The following XRN2 variants were observed in gnomAD, a reference collection of about 807,000 sequenced individuals.
XRN2 encodes the protein 5'-3' exoribonuclease 2.
A neutral mutation model predicts 138.5 loss-of-function variants in XRN2; 44 were observed. The ratio of observed to expected loss-of-function variants is 0.32; its 90% CI spans 0.25 to 0.41. The LOEUF (loss-of-function observed/expected upper bound fraction) is 0.41. Among genes scored for constraint, XRN2 ranks in the 10% least tolerant of loss-of-function variants. The probability of loss-of-function intolerance (pLI) is 1.00; values close to 1 mark genes in which losing one functional copy is unlikely to be tolerated. For synonymous variants in XRN2, 354 were observed against 369.4 expected (o/e 0.96, Z 0.48); for missense variants, 937 against 1,169.3 (o/e 0.80, Z 2.90).
rs1451099764 is a variant in XRN2, at chr20:21,303,443, G to A, written c.45G>A (p.Pro15=). The part of the protein sequence containing the change: ...AFFRWLSRKY[P]SIIVNCVEEK... ...TCCGCTGGCTCAGCCGCAAGTACCC[G>A]TCCATCATAGTCAACTGCGTGGAAG... Residue 15 remains proline (P), a synonymous_variant, in exon 1 of 30, where the codon CCG becomes CCA. Coordinates refer to ENST00000377191, the MANE Select transcript of XRN2 (RefSeq NM_012255.5). 3.9e-6 allele frequency: 6 copies of A among 1,547,938 alleles called. No individual in the cohort carries two copies. Among genetic ancestry groups the A allele is most frequent in the Admixed American group, 2.0e-5 (1 of 50,784 alleles).
intron 14 of XRN2, 88 bp downstream of exon 14, chr20:21,339,176 G>A: frequency 7.3e-7 from 1 of 1,364,194 alleles, no homozygotes; most frequent in Non-Finnish European, 1.0e-6. Flanking sequence ...TTTATTCCTT[G>A]TCCAGTAGGA....
chr20:21,362,415 CT>C (rs1437605292), intron 24 of XRN2, among the ~76,000 whole-genome samples: 2 of 152,112 alleles, frequency 1.3e-5, no homozygotes, highest in African/African-American at 4.8e-5. Context: ...CTGTGCATGA[CT>C]TGGAGATCTT....
intron 17 of XRN2, among the ~76,000 whole-genome samples, 177 bp downstream of exon 17, chr20:21,346,727 C>T (rs1396673073): frequency 6.6e-6 from 1 of 152,164 alleles, no homozygotes; most frequent in Non-Finnish European, 1.5e-5. Context: ...TCAAGCGATT[C>T]TCCTGCCTCA....
rs2038596111 is a variant in XRN2 at position 21,358,012 on chromosome 20, T to C, written c.2255+220T>C. 3.3e-5 allele frequency among the ~76,000 whole-genome samples: 5 copies of C among 152,364 alleles called. No individual in the cohort carries two copies. The South Asian group carries it at 1.0e-3, about 32-fold the overall frequency. ...ATTTAACATGCTTGCTTATCTGTTT[T>C]CTGGTTTCCCATGACAACCTGTAAT... On this transcript the variant is annotated intron_variant, in intron 24 of 29. Transcript: ENST00000377191.
At chr20:21,337,436 G>A (rs756160315) in intron 13 of XRN2, among the ~76,000 whole-genome samples, 1 of 152,226 alleles carries the variant, frequency 6.6e-6, no homozygotes, top group Non-Finnish European at 1.5e-5. Context: ...ACTGGGAGGT[G>A]CAAAGGTGGG....
In XRN2 at chr20:21,376,459, A is replaced by C. The variant is rs559240473; in HGVS notation, c.2585-5535A>C. Among the ~76,000 whole-genome samples, 5 of 152,312 alleles carry C rather than the reference A, an allele frequency of 3.3e-5. No individual in the cohort carries two copies. The South Asian group carries it at 1.0e-3, about 32-fold the overall frequency. On this transcript the variant is annotated intron_variant, in intron 27 of 29. Transcript: ENST00000377191. ...TGCTTTGGTCATATTTTTACTGACC[A>C]GTTTTTCTTTTGTAAGTTGGCTGTT...
At chr20:21,317,966 G>A (rs767515884) in intron 1 of XRN2, among the ~76,000 whole-genome samples, 27 of 152,118 alleles carry the variant, frequency 1.8e-4, no homozygotes, top group Non-Finnish European at 3.4e-4. Context: ...AAATGTGTTC[G>A]GAATTGTTGG....
chr20:21,303,598 T>C (rs2295412), intron 1 of XRN2, 125 bp downstream of exon 1: 174,212 of 1,381,088 alleles, frequency 0.13, 15,417 homozygotes, highest in East Asian at 0.46. Flanking sequence ...GCTGCCAGCC[T>C]CGCGAGCAGT....
rs944723425 is a variant in XRN2 at position 21,344,275 on chromosome 20, A to G, written c.1529+67A>G. 119 of 1,240,222 alleles carry G rather than the reference A, an allele frequency of 9.6e-5. 1 individual carries two copies. The highest frequency in any genetic ancestry group is 1.3e-4 in the Non-Finnish European group (112 of 846,798). The allele number at this position is 1,240,222 out of a possible 1,614,324, so 76.8% of individuals were successfully genotyped here. On this transcript the variant is annotated intron_variant, in intron 16 of 29. Coordinates refer to ENST00000377191, the MANE Select transcript of XRN2 (RefSeq NM_012255.5). ...AAATAGATGCAGTCTAATTAATGCT[A>G]TTTAGCTTAGAGCAGCAGTGCCTTC...
At chr20:21,361,044 T>C (rs2038631530) in intron 24 of XRN2, among the ~76,000 whole-genome samples, 1 of 152,222 alleles carries the variant, frequency 6.6e-6, no homozygotes, top group Non-Finnish European at 1.5e-5. Flanking sequence ...CTGCTTTCTT[T>C]CTGAATTATG....
chr20:21,359,622 A>C (rs1406766836), intron 24 of XRN2, among the ~76,000 whole-genome samples: 1 of 152,140 alleles, frequency 6.6e-6, no homozygotes, highest in African/African-American at 2.4e-5. Flanking sequence ...AAATTAGGTT[A>C]ATTTGCTGAA....
intron 15 of XRN2, 91 bp downstream of exon 15, chr20:21,340,943 T>G: frequency 1.4e-6 from 2 of 1,461,280 alleles, no homozygotes; most frequent in East Asian, 4.6e-5. Context: ...TATCACAGCC[T>G]GGAGTTTTGT....
chr20:21,356,534 G>A, intron 22 of XRN2, 52 bp from the exon 23 acceptor site: 13 of 1,538,956 alleles, frequency 8.4e-6, no homozygotes, highest in Non-Finnish European at 1.2e-5. Flanking sequence ...ATCTGCTTGA[G>A]TCCCAGTTTT....
rs574867275 is a variant in XRN2 at position 21,386,872 on chromosome 20, G to A, written c.2653G>A (p.Val885Ile). 1.3e-5 allele frequency: 21 copies of A among 1,610,956 alleles called. No homozygotes were observed. Among genetic ancestry groups the A allele is most frequent in the South Asian group, 5.5e-5 (5 of 90,992 alleles). Residue 885 changes from valine (V) to isoleucine (I), a missense_variant, in exon 29 of 30, where the codon GTT becomes ATT. Physicochemically the swap from Val to Ile is conservative, Grantham distance 29 (BLOSUM62 3). This residue lies in a region of XRN2 where 372 missense variants were observed against 414.4 expected (regional missense o/e 0.90). Coordinates refer to ENST00000377191, the MANE Select transcript of XRN2 (RefSeq NM_012255.5). ...LFQQQRFDRGVGAEPLLPWNR... is the reference protein window; with the variant it reads ...LFQQQRFDRGIGAEPLLPWNR... Reference sequence around the variant, plus strand: ...AAAACTGGTACTTTCCTACAGAGGCGTTGGGGCTGAACCTCTGCTCCCATG... The same window carrying A: ...AAAACTGGTACTTTCCTACAGAGGCATTGGGGCTGAACCTCTGCTCCCATG...
In XRN2 at chr20:21,356,134, T is replaced by A; in HGVS notation, c.2075T>A (p.Leu692His). Reference sequence around the variant, plus strand: ...TTATTTGTGGGGAAACATCACCCACTCCATGACTTCATTTTAGAGCTGTAC... The same window carrying A: ...TTATTTGTGGGGAAACATCACCCACACCATGACTTCATTTTAGAGCTGTAC... ...DVLFVGKHHP[L>H]HDFILELYQT... The change falls in exon 22 of 30, where the codon CTC becomes CAC. Residue 692 changes from leucine to histidine, a missense_variant. Transcript: ENST00000377191. 6.2e-7 allele frequency: 1 copy of A among 1,612,956 alleles called. No homozygotes were observed. Among genetic ancestry groups the A allele is most frequent in the Non-Finnish European group, 8.5e-7 (1 of 1,179,290 alleles).
chr20:21,361,010 A>G (rs1339614294), intron 24 of XRN2, among the ~76,000 whole-genome samples: 4 of 152,234 alleles, frequency 2.6e-5, no homozygotes, highest in Non-Finnish European at 5.9e-5. Flanking sequence ...TTGTGTAAAA[A>G]TGAAACTTGA....
chr20:21,303,865 G>C (rs1185134162), intron 1 of XRN2: 63 of 985,150 alleles, frequency 6.4e-5, no homozygotes, highest in Non-Finnish European at 6.5e-5. Flanking sequence ...GAGCTAGCGG[G>C]TTATGGATGC....
intron 15 of XRN2, among the ~76,000 whole-genome samples, chr20:21,341,653 C>A (rs547626006): frequency 6.6e-6 from 1 of 151,536 alleles, no homozygotes; most frequent in Non-Finnish European, 1.5e-5. Flanking sequence ...AAGGAACATA[C>A]ACTTTTGCTA....
intron 1 of XRN2, among the ~76,000 whole-genome samples, chr20:21,325,346 C>G (rs1469687635): frequency 1.3e-5 from 2 of 152,196 alleles, no homozygotes; most frequent in Admixed American, 6.5e-5. Context: ...TTGAGTATCT[C>G]TGGCAGTGAG....
Sources: allele counts gnomAD v4.1 joint callset (sites outside exome capture counted in the v4.1 genomes callset), GRCh38; gene constraint gnomAD v4.1.1; regional missense constraint gnomAD v4.1.1; transcripts MANE v1.5; gene names NCBI Gene and HGNC (gene_info 2026-07-23, HGNC 2026-07-21).